ISM1: variants seen among roughly 807,000 people sequenced by gnomAD.
The protein encoded by ISM1 is isthmin 1.
ISM1 carries 25 observed loss-of-function variants against 46.3 expected under a neutral mutation model. That is an observed-to-expected ratio of 0.54 (90% CI 0.39 to 0.75). The LOEUF is 0.75. Ranked by LOEUF, ISM1 falls within the 30% of genes least tolerant of loss-of-function variation. The pLI is 0.00. For missense variants in ISM1, 536 were observed against 625.4 expected (o/e 0.86, Z 1.52); for synonymous variants, 255 against 256.7 (o/e 0.99, Z 0.06).
At chr20:13,317,643 A>G in the ISM1 span, among the ~76,000 whole-genome samples, 2 of 152,100 alleles carry the variant, frequency 1.3e-5, no homozygotes, top group African/African-American at 4.8e-5. Flanking sequence ...ACCTACACCA[A>G]TAGAGTCAGT....
intron 1 of ISM1, among the ~76,000 whole-genome samples, chr20:13,237,112 G>C (rs1008802596): frequency 1.3e-5 from 2 of 152,136 alleles, no homozygotes; most frequent in East Asian, 3.9e-4. Context: ...TGAGGACCCT[G>C]CCCCTGCAGC....
intron 1 of ISM1, among the ~76,000 whole-genome samples, chr20:13,233,953 A>G (rs978756190): frequency 3.3e-5 from 5 of 152,228 alleles, no homozygotes; most frequent in Non-Finnish European, 5.9e-5. Context: ...CTACTGAATC[A>G]GAATCTGCAT....
chr20:13,247,520 GTGTGT>G (rs1568669267), intron 1 of ISM1, among the ~76,000 whole-genome samples: 469 of 85,348 alleles, frequency 5.5e-3, no homozygotes, highest in Middle Eastern at 0.014. Flanking sequence ...AGTGAGGGGT[GTGTGT>G]GTGTGTGTGT....
chr20:13,234,519 G>A (rs1237883839), intron 1 of ISM1, among the ~76,000 whole-genome samples: 1 of 152,152 alleles, frequency 6.6e-6, no homozygotes, highest in Non-Finnish European at 1.5e-5. Flanking sequence ...GGTACTTTGA[G>A]AAATCTCCAT....
the ISM1 span, among the ~76,000 whole-genome samples, chr20:13,311,246 TA>T: frequency 8.6e-3 from 913 of 106,700 alleles, 3 homozygotes; most frequent in African/African-American, 0.025. Context: ...AGATAGATGA[TA>T]GATAGATAGA....
At chr20:13,273,215 T>TTTTTATTTTATTTTATTTTACTTTA in intron 2 of ISM1, among the ~76,000 whole-genome samples, 1 of 130,704 alleles carries the variant, frequency 7.7e-6, no homozygotes, top group Middle Eastern at 3.6e-3. Context: ...ACTTGGGTCT[T>TTTTTATTTTATTTTATTTTACTTTA]TTTTATTTTA....
intron 1 of ISM1, among the ~76,000 whole-genome samples, chr20:13,252,451 A>G (rs909008264): frequency 6.6e-6 from 1 of 152,136 alleles, no homozygotes; most frequent in Non-Finnish European, 1.5e-5. Flanking sequence ...GCTTTTCAGT[A>G]TAAAGGGGCG....
chr20:13,308,039 T>C, the ISM1 span, among the ~76,000 whole-genome samples: 1 of 152,206 alleles, frequency 6.6e-6, no homozygotes, highest in Non-Finnish European at 1.5e-5. Flanking sequence ...TTAGGAGTGT[T>C]TGAAAGTTCC....
At chr20:13,285,795 C>A (rs2040285628) in intron 3 of ISM1, among the ~76,000 whole-genome samples, 1 of 152,142 alleles carries the variant, frequency 6.6e-6, no homozygotes, top group South Asian at 2.1e-4. Flanking sequence ...CAAGAAAGTG[C>A]CTCATGCAGG....
chr20:13,306,282 G>A, the ISM1 span, among the ~76,000 whole-genome samples: 2 of 151,884 alleles, frequency 1.3e-5, no homozygotes, highest in Admixed American at 6.6e-5. Context: ...TTTCTATGTT[G>A]TTTAGTTTAT....
intron 1 of ISM1, among the ~76,000 whole-genome samples, chr20:13,246,951 T>C (rs1346361814): frequency 1.3e-5 from 2 of 151,868 alleles, no homozygotes; most frequent in East Asian, 3.9e-4. Flanking sequence ...TATATATGTA[T>C]AGTGCCGGGC....
the ISM1 span, among the ~76,000 whole-genome samples, chr20:13,314,839 A>G: frequency 6.6e-6 from 1 of 152,132 alleles, no homozygotes; most frequent in Non-Finnish European, 1.5e-5. Flanking sequence ...ATATGTTTAT[A>G]CATGCATGTA....
chr20:13,313,173 C>T, the ISM1 span, among the ~76,000 whole-genome samples: 1 of 152,166 alleles, frequency 6.6e-6, no homozygotes, highest in Non-Finnish European at 1.5e-5. Context: ...AAACTAATTG[C>T]AGATTATTAG....
At chr20:13,294,680 G>A (rs1189552253) in intron 5 of ISM1, among the ~76,000 whole-genome samples, 1 of 152,138 alleles carries the variant, frequency 6.6e-6, no homozygotes, top group Non-Finnish European at 1.5e-5. Context: ...CAAGCAGAGT[G>A]GAAGGATTGA....
intron 2 of ISM1, among the ~76,000 whole-genome samples, chr20:13,277,572 A>G (rs1040146736): frequency 1.3e-5 from 2 of 151,372 alleles, no homozygotes; most frequent in Non-Finnish European, 2.9e-5. Flanking sequence ...CTCTCCCACG[A>G]CCATTCATTC....
intron 1 of ISM1, among the ~76,000 whole-genome samples, chr20:13,246,958 G>A (rs986248233): frequency 5.3e-5 from 8 of 151,974 alleles, no homozygotes; most frequent in Non-Finnish European, 1.0e-4. Context: ...GTATAGTGCC[G>A]GGCCCAGTGG....
rs765038981 is a variant in ISM1, at chr20:13,299,150, G to A, written c.1086G>A (p.Lys362=). The part of the protein sequence containing the change: ...SGPKEKLEIY[K]PTARYCIRSM... ...CCAAGGAGAAGCTGGAGATCTACAA[G>A]CCCACTGCCCGGTACTGCATCCGCT... The change falls in exon 6 of 6, where the codon AAG becomes AAA. Residue 362 remains lysine, a synonymous_variant. Coordinates refer to ENST00000262487, the MANE Select transcript of ISM1 (RefSeq NM_080826.2). The surrounding 1 kb of genome is among the most constrained non-coding windows in gnomAD (Gnocchi z 5.8). The A allele has an allele frequency of 5.0e-6, 8 of 1,611,996 alleles. No individual in the cohort carries two copies. In the East Asian group the frequency reaches 1.8e-4, roughly 36 times the overall value.
intron 1 of ISM1, among the ~76,000 whole-genome samples, chr20:13,233,583 G>A (rs1377564528): frequency 4.8e-5 from 6 of 125,372 alleles, no homozygotes; most frequent in South Asian, 2.5e-4. Flanking sequence ...CAACAAGAGC[G>A]AAACTCCATC....
At chr20:13,277,505 G>C (rs903698112) in intron 2 of ISM1, among the ~76,000 whole-genome samples, 4 of 152,162 alleles carry the variant, frequency 2.6e-5, no homozygotes, top group Admixed American at 6.5e-5. Context: ...CTACCCAGCT[G>C]TGTGCTCCTT....
Sources: gnomAD v4.1 joint callset for allele counts (sites outside exome capture counted in the v4.1 genomes callset) on GRCh38, gnomAD v4.1.1 for gene constraint, Gnocchi (gnomAD v3.1) non-coding constraint, MANE v1.5 for transcripts, NCBI Gene and HGNC (gene_info 2026-07-23, HGNC 2026-07-21) for gene names.